The following RERE variants were observed in gnomAD, a reference collection of about 807,000 sequenced individuals.
RERE encodes the protein arginine-glutamic acid dipeptide repeats protein.
In RERE, 40 loss-of-function variants were observed where a neutral mutation model predicts 146.1. That is an observed-to-expected ratio of 0.27 (90% CI 0.21 to 0.36). The LOEUF (loss-of-function observed/expected upper bound fraction) is 0.36. RERE is among the 10% of genes least tolerant of loss of function. The pLI, the probability that RERE is intolerant of heterozygous loss-of-function variation, is 1.00. For missense variants in RERE, 1,933 were observed against 2,138.7 expected (o/e 0.90, Z 1.90); for synonymous variants, 1,003 against 866.0 (o/e 1.16, Z -2.78).
intron 4 of RERE, among the ~76,000 whole-genome samples, chr1:8,583,393 G>GA (rs1411967568): frequency 6.6e-6 from 1 of 152,198 alleles, no homozygotes; most frequent in Non-Finnish European, 1.5e-5. Context: ...AGAGAAAACA[G>GA]AATCAATCAA....
At chr1:8,421,671 A>G (rs1437286789) in intron 12 of RERE, among the ~76,000 whole-genome samples, 1 of 152,236 alleles carries the variant, frequency 6.6e-6, no homozygotes, top group East Asian at 1.9e-4. Flanking sequence ...TCATTTTTAA[A>G]AAGACAGAAT....
intron 4 of RERE, among the ~76,000 whole-genome samples, chr1:8,593,490 GCTCCTTATTTGC>G (rs36217847): frequency 0.12 from 18,585 of 152,108 alleles, 1,411 homozygotes; most frequent in Middle Eastern, 0.21. Flanking sequence ...ACATGACTTT[GCTCCTTATTTGC>G]CTCCTTATTT....
intron 1 of RERE, among the ~76,000 whole-genome samples, chr1:8,787,692 G>A (rs543868944): frequency 1.3e-4 from 19 of 151,680 alleles, no homozygotes; most frequent in Admixed American, 3.3e-4. Flanking sequence ...TTAGCCAGGC[G>A]TCGTGGTGGG....
chr1:8,548,574 G>A (rs1645895708), intron 6 of RERE, among the ~76,000 whole-genome samples: 1 of 152,182 alleles, frequency 6.6e-6, no homozygotes, highest in African/African-American at 2.4e-5. Flanking sequence ...TACAAATTCT[G>A]AAACTAAGTT....
At chr1:8,484,201 A>C (rs1644869353) in intron 10 of RERE, among the ~76,000 whole-genome samples, 1 of 152,186 alleles carries the variant, frequency 6.6e-6, no homozygotes, top group Non-Finnish European at 1.5e-5. Flanking sequence ...AAGCACTCAA[A>C]GGTGGCTAAA....
chr1:8,540,825 C>T (rs566795074), intron 7 of RERE, among the ~76,000 whole-genome samples: 2 of 152,234 alleles, frequency 1.3e-5, no homozygotes, highest in Non-Finnish European at 2.9e-5. Flanking sequence ...AACAAACTTT[C>T]CAAAATTACT....
At chr1:8,548,078 T>C (rs1044237035) in intron 6 of RERE, among the ~76,000 whole-genome samples, 12 of 152,092 alleles carry the variant, frequency 7.9e-5, no homozygotes, top group Non-Finnish European at 1.3e-4. Flanking sequence ...TGTCATCAAG[T>C]GAAAAGAGCA....
At chr1:8,563,855 T>C (rs972360717) in intron 4 of RERE, among the ~76,000 whole-genome samples, 4 of 152,208 alleles carry the variant, frequency 2.6e-5, no homozygotes, top group African/African-American at 7.2e-5. Context: ...TTCCACAACA[T>C]GGTGATAATA....
chr1:8,468,883 T>C (rs1482817961), intron 10 of RERE, among the ~76,000 whole-genome samples: 1 of 147,862 alleles, frequency 6.8e-6, no homozygotes, highest in Non-Finnish European at 1.5e-5. Flanking sequence ...GGTGACAGAG[T>C]GAAACCCTGC....
chr1:8,650,874 C>T lies in RERE; in HGVS notation c.325+5099G>A, dbSNP rs550328525. Among the ~76,000 whole-genome samples the T allele has an allele frequency of 7.4e-5, 11 of 148,884 alleles. No individual in the cohort carries two copies. The South Asian group carries it at 1.5e-3, about 20-fold the overall frequency. ...ATCGCACCACTGCCCTCCAGCCTGG[C>T]GACAGAGTGAGACTCCATCTCAAAA... is the stretch of plus-strand genomic sequence containing the variant. On this transcript the variant is annotated intron_variant, in intron 2 of 22. Transcript: ENST00000400908.
intron 12 of RERE, among the ~76,000 whole-genome samples, chr1:8,407,951 TG>T (rs1557615934): frequency 6.6e-6 from 1 of 152,198 alleles, no homozygotes; most frequent in African/African-American, 2.4e-5. Context: ...CAAGACAAGT[TG>T]TACAATGGTT....
chr1:8,651,493 C>A (rs1230104150), intron 2 of RERE, among the ~76,000 whole-genome samples: 1 of 152,140 alleles, frequency 6.6e-6, no homozygotes, highest in Non-Finnish European at 1.5e-5. Context: ...ACTAAGCACA[C>A]AGGATCTCTG....
At chr1:8,669,183 C>T (rs367685227) in intron 1 of RERE, among the ~76,000 whole-genome samples, 2 of 151,214 alleles carry the variant, frequency 1.3e-5, no homozygotes, top group South Asian at 2.1e-4. Flanking sequence ...AGCAATACCC[C>T]CCCCAACTCG....
chr1:8,693,463 C>T (rs931681554), intron 1 of RERE, among the ~76,000 whole-genome samples: 1 of 152,100 alleles, frequency 6.6e-6, no homozygotes, highest in Non-Finnish European at 1.5e-5. Flanking sequence ...ACCTTAAGTA[C>T]ATTTTGCTAA....
chr1:8,393,236 C>A (rs1211864026), intron 12 of RERE, among the ~76,000 whole-genome samples: 1 of 152,186 alleles, frequency 6.6e-6, no homozygotes, highest in Non-Finnish European at 1.5e-5. Flanking sequence ...GTCTAGTGCA[C>A]CATCAGTTCA....
intron 12 of RERE, among the ~76,000 whole-genome samples, chr1:8,386,461 C>T (rs566496389): frequency 9.2e-5 from 14 of 151,368 alleles, no homozygotes; most frequent in African/African-American, 3.1e-4. Context: ...GTTTCCACTC[C>T]CTGGGCCTGA....
At chr1:8,800,512 T>C (rs1195705119) in intron 1 of RERE, among the ~76,000 whole-genome samples, 1 of 146,274 alleles carries the variant, frequency 6.8e-6, no homozygotes, top group East Asian at 2.0e-4. Flanking sequence ...GTCAAAGAAA[T>C]GCAAATTCAA....
At chr1:8,366,152 C>G (rs1641795972) in intron 12 of RERE, among the ~76,000 whole-genome samples, 178 bp from the exon 13 acceptor site, 1 of 152,232 alleles carries the variant, frequency 6.6e-6, no homozygotes, top group South Asian at 2.1e-4. Flanking sequence ...AGCCACTGAG[C>G]TGCCCGTGGA....
At chr1:8,771,391 G>A (rs940178299) in intron 1 of RERE, among the ~76,000 whole-genome samples, 1 of 151,806 alleles carries the variant, frequency 6.6e-6, no homozygotes, top group South Asian at 2.1e-4. Context: ...AGACGTGATG[G>A]CGCACACCTG....
Sources: allele counts gnomAD v4.1 joint callset (sites outside exome capture counted in the v4.1 genomes callset), GRCh38; gene constraint gnomAD v4.1.1; transcripts MANE v1.5; gene names NCBI Gene and HGNC (gene_info 2026-07-23, HGNC 2026-07-21).